The following CARD16 variants were observed in gnomAD, a reference collection of about 807,000 sequenced individuals.
CARD16 encodes caspase recruitment domain family member 16.
CARD16 carries 8 observed loss-of-function variants against 11.9 expected under a neutral mutation model. The observed-to-expected ratio is 0.67, with a 90% CI of 0.39 to 1.21. CARD16 has a LOEUF of 1.21. Ranked by LOEUF, CARD16 falls within the 50% of genes most tolerant of loss-of-function variation. CARD16 has a pLI of 0.01. For missense variants in CARD16, 131 were observed against 118.1 expected, an observed-to-expected ratio of 1.11 and a Z score of -0.51; for synonymous variants, 44 against 43.8, an observed-to-expected ratio of 1.00 and a Z score of -0.02.
intron 3 of CARD16, among the ~76,000 whole-genome samples, chr11:105,042,355 G>A (rs1043365738): frequency 3.3e-5 from 5 of 152,094 alleles, no homozygotes; most frequent in African/African-American, 1.2e-4. Flanking sequence ...TTGCTTTCAC[G>A]AACATATGAG....
chr11:105,042,618 G>A (rs1018382767), intron 3 of CARD16, among the ~76,000 whole-genome samples: 2 of 152,152 alleles, frequency 1.3e-5, no homozygotes, highest in Non-Finnish European at 2.9e-5. Flanking sequence ...GAAGTGTGTT[G>A]ACATGGAGAA....
rs1864146600 is a variant in CARD16, at chr11:105,043,610, A to G, written c.275-65T>C. 5.6e-6 allele frequency: 6 copies of G among 1,073,948 alleles called. No individual in the cohort carries two copies. In the South Asian group the frequency reaches 6.3e-5, roughly 11 times the overall value. 66.5% of individuals were successfully genotyped at this position (1,073,948 alleles called of 1,614,324 possible). A position where few individuals can be genotyped will look rare whatever the true frequency, so the allele number is the denominator to read the frequency against. ...TCTCTGGAAAACTTTACAGCAATGC[A>G]TAAGCCACTCCTCACTGCAAATTCC... is the stretch of plus-strand genomic sequence containing the variant. On this transcript the variant is annotated intron_variant, in intron 2 of 3. Transcript: ENST00000673097.
chr11:105,043,804 T>G (rs555904330), intron 2 of CARD16: 123 of 401,652 alleles, frequency 3.1e-4, no homozygotes, highest in Non-Finnish European at 4.9e-4. Flanking sequence ...CCTCCCAGTA[T>G]GATCTGCAGC....
At chr11:105,043,912 A>G (rs1864151447) in intron 2 of CARD16, 1 of 263,244 alleles carries the variant, frequency 3.8e-6, no homozygotes, top group African/African-American at 2.2e-5. Flanking sequence ...TAATCATTGA[A>G]TGTATTTCCT....
At position 105,041,574 on chromosome 11, in the gene CARD16, C is replaced by T; in HGVS notation, c.*189G>A. The T allele has an allele frequency of 1.2e-6, 2 of 1,614,066 alleles. No individual in the cohort carries two copies. Among genetic ancestry groups the T allele is most frequent in the Admixed American group, 1.7e-5 (1 of 60,006 alleles). ...AACTGCCTGAAGTATATCTTTCACT[C>T]CACTTTATTATTGTATTCTGAACAT... On this transcript the variant is annotated 3_prime_UTR_variant, in exon 4 of 4. Transcript: ENST00000673097.
rs142384638 is a variant in CARD16 at position 105,044,984 on chromosome 11, G to T, written c.7+307C>A. Reference sequence around the variant, plus strand: ...TAGCCCATTTCATTTAGGAACCACTGCTGCTAGTACTCCTCCTGTGCCAAT... The same window carrying T: ...TAGCCCATTTCATTTAGGAACCACTTCTGCTAGTACTCCTCCTGTGCCAAT... On this transcript the variant is annotated intron_variant, in intron 1 of 3. Transcript: ENST00000673097. The T allele has an allele frequency of 4.3e-4, 254 of 597,392 alleles. 2 individuals carry two copies. In the African/African-American group the frequency reaches 4.4e-3, roughly 10 times the overall value. The allele number at this position is 597,392 out of a possible 1,614,324, so 37.0% of individuals were successfully genotyped here. A position where few individuals can be genotyped will look rare whatever the true frequency, so the allele number is the denominator to read the frequency against.
intron 3 of CARD16, among the ~76,000 whole-genome samples, chr11:105,042,820 T>G (rs545946776): frequency 6.6e-6 from 1 of 152,320 alleles, no homozygotes; most frequent in South Asian, 2.1e-4. Flanking sequence ...AAGAAAACAT[T>G]CATGAGGTAA....
chr11:105,045,105 G>A (rs1864176594), intron 1 of CARD16, 186 bp downstream of exon 1: 13 of 793,434 alleles, frequency 1.6e-5, no homozygotes, highest in Middle Eastern at 3.7e-4. Context: ...GTTCCTTTCT[G>A]GGCTTGCCTT....
chr11:105,041,737 T>C lies in CARD16; in HGVS notation c.*44-18A>G. 3 of 1,611,864 alleles carry C rather than the reference T, an allele frequency of 1.9e-6. No homozygotes were observed. Among genetic ancestry groups the C allele is most frequent in the Non-Finnish European group, 2.5e-6 (3 of 1,178,490 alleles). On this transcript the variant is annotated intron_variant, in intron 3 of 3. Coordinates refer to ENST00000673097, the MANE Select transcript of CARD16 (RefSeq NM_052889.4). ...CTGAAGAGCTGCAAGAGACAAGGAA[T>C]ATCATGAACAGTGGTATCCCTCTTT...
Position 105,044,627 on chromosome 11 carries a change from A to G in CARD16, c.39T>C (p.Phe13=). The stretch of plus-strand genomic sequence containing the variant: ...TTGTACCTTCACCCATGGAATGGAT[A>G]AACAGCTTTCTCTTCTCCTTCAGGA... ...DKVLKEKRKL[F]IHSMGEGTIN... is the part of the protein sequence containing the mutation. The change falls in exon 2 of 4, where the codon TTT becomes TTC. Residue 13 remains phenylalanine, a synonymous_variant. Coordinates refer to ENST00000673097, the MANE Select transcript of CARD16 (RefSeq NM_052889.4). 2 of 1,614,114 alleles carry G rather than the reference A, an allele frequency of 1.2e-6. No homozygotes were observed. The highest frequency in any genetic ancestry group is 1.7e-6 in the Non-Finnish European group (2 of 1,179,960).
chr11:105,041,622 C>T lies in CARD16; in HGVS notation c.*141G>A, dbSNP rs1202043799. ...CATGGCACCTCTGCAACTTTTGTTT[C>T]CATATCCTTTGAGCGTCTTCTAGAA... On this transcript the variant is annotated 3_prime_UTR_variant, in exon 4 of 4. Transcript: ENST00000673097. 1 of 1,614,048 alleles carries T rather than the reference C, an allele frequency of 6.2e-7. No individual in the cohort carries two copies. The highest frequency in any genetic ancestry group is 1.1e-5 in the South Asian group (1 of 91,090).
chr11:105,041,666 C>A lies in CARD16; in HGVS notation c.*97G>T, dbSNP rs1414225532. 1 of 1,613,884 alleles carries A rather than the reference C, an allele frequency of 6.2e-7. No homozygotes were observed. The highest frequency in any genetic ancestry group is 8.5e-7 in the Non-Finnish European group (1 of 1,179,946). Reference sequence around the variant, plus strand: ...TCTAGAAAGCAAAGCTTGATTCTGCCTTCTGGGCTTGAGCATGTGGGCATA... The same window carrying A: ...TCTAGAAAGCAAAGCTTGATTCTGCATTCTGGGCTTGAGCATGTGGGCATA... On this transcript the variant is annotated 3_prime_UTR_variant, in exon 4 of 4. Coordinates refer to ENST00000673097, the MANE Select transcript of CARD16 (RefSeq NM_052889.4).
chr11:105,043,638 C>T, intron 2 of CARD16, 93 bp from the exon 3 acceptor site: 1 of 828,158 alleles, frequency 1.2e-6, no homozygotes, highest in Non-Finnish European at 2.1e-6. Context: ...CAAATTCCTC[C>T]CACAACCCTG....
intron 2 of CARD16, chr11:105,044,017 G>T: frequency 3.0e-6 from 1 of 329,102 alleles, no homozygotes. Context: ...AGACCCTAAA[G>T]CTCATGTCAA....
chr11:105,044,245 C>T, intron 2 of CARD16, 147 bp downstream of exon 2: 2 of 1,295,074 alleles, frequency 1.5e-6, no homozygotes, highest in Middle Eastern at 1.9e-4. Context: ...AGTCAAGGGA[C>T]ATGCAATAGG....
Position 105,043,501 on chromosome 11 carries a change from G to A in CARD16, c.*25C>T, listed in dbSNP as rs759257539. ...ACATTACCTGGGAAGGAAGAAAATA[G>A]TAATTGGGAGTCTTGTGTACTAAGC... On this transcript the variant is annotated 3_prime_UTR_variant, in exon 3 of 4. Transcript: ENST00000673097. 5.0e-6 allele frequency: 8 copies of A among 1,609,090 alleles called. No homozygotes were observed. In the Admixed American group the frequency reaches 1.3e-4, roughly 27 times the overall value.
rs1178529899 is a variant in CARD16 at position 105,041,848 on chromosome 11, T to C, written c.*44-129A>G. 11 of 843,586 alleles carry C rather than the reference T, an allele frequency of 1.3e-5. No homozygotes were observed. The South Asian group carries it at 2.0e-4, about 15-fold the overall frequency. The allele number at this position is 843,586 out of a possible 1,614,324, so 52.3% of individuals were successfully genotyped here. Reference sequence around the variant, plus strand: ...ATCCTAATCTAGTCATTAACATAGTTGAGTGCGTTTGCTGCTAATGGAGCA... The same window carrying C: ...ATCCTAATCTAGTCATTAACATAGTCGAGTGCGTTTGCTGCTAATGGAGCA... On this transcript the variant is annotated intron_variant, in intron 3 of 3. Coordinates refer to ENST00000673097, the MANE Select transcript of CARD16 (RefSeq NM_052889.4).
At position 105,043,424 on chromosome 11, in the gene CARD16, A is replaced by G; in HGVS notation, c.*43+59T>C. 2.5e-6 allele frequency: 3 copies of G among 1,200,470 alleles called. No homozygotes were observed. The Admixed American group carries it at 5.4e-5, about 22-fold the overall frequency. 74.4% of individuals were successfully genotyped at this position (1,200,470 alleles called of 1,614,324 possible). ...CCCTTCAAGCAGAGCTCATTCCACT[A>G]AATTAATGTTAAAGAAGATGGGGTT... On this transcript the variant is annotated intron_variant, in intron 3 of 3. Coordinates refer to ENST00000673097, the MANE Select transcript of CARD16 (RefSeq NM_052889.4).
chr11:105,044,032 C>G (rs1477616867), intron 2 of CARD16: 1 of 347,606 alleles, frequency 2.9e-6, no homozygotes, highest in Non-Finnish European at 5.3e-6. Context: ...TGTCAAACAA[C>G]TACATAAGGG....
Sources: allele counts gnomAD v4.1 joint callset (sites outside exome capture counted in the v4.1 genomes callset), GRCh38; gene constraint gnomAD v4.1.1; transcripts MANE v1.5; gene names NCBI Gene and HGNC (gene_info 2026-07-23, HGNC 2026-07-21).